The following GRIA3 variants were observed in gnomAD, a reference collection of about 807,000 sequenced individuals.
GRIA3 encodes the protein glutamate ionotropic receptor AMPA type subunit 3.
GRIA3 carries 3 observed loss-of-function variants against 63.0 expected under a neutral mutation model. The ratio of observed to expected loss-of-function variants is 0.05; its 90% CI spans 0.02 to 0.12. GRIA3 has a LOEUF of 0.12. Ranked by LOEUF, GRIA3 falls within the 10% of genes least tolerant of loss-of-function variation. The probability of loss-of-function intolerance (pLI) is 1.00; values close to 1 mark genes in which losing one functional copy is unlikely to be tolerated. For missense variants in GRIA3, 347 were observed against 700.9 expected, an observed-to-expected ratio of 0.50 and a Z score of 5.70; for synonymous variants, 274 against 257.9, an observed-to-expected ratio of 1.06 and a Z score of -0.60.
At chrX:123,280,930 G>A (rs150377828) in intron 3 of GRIA3, among the ~76,000 whole-genome samples, 2,244 of 111,249 alleles carry the variant, frequency 0.02, 60 homozygotes, top group African/African-American at 0.07. Flanking sequence ...TTATACTCTC[G>A]GGAGACTGAC....
intron 4 of GRIA3, among the ~76,000 whole-genome samples, chrX:123,331,634 TA>T (rs1299760486): frequency 1.8e-5 from 2 of 111,935 alleles, no homozygotes; most frequent in East Asian, 5.6e-4. Context: ...TTCCAGCCCT[TA>T]CTCTCAATGT....
intron 14 of GRIA3, among the ~76,000 whole-genome samples, chrX:123,481,772 A>G (rs1412934332): frequency 9.0e-6 from 1 of 111,604 alleles, no homozygotes; most frequent in Non-Finnish European, 1.9e-5. Context: ...CAAGACACCA[A>G]CTTTTTTCTT....
chrX:123,269,749 T>C (rs959558704), intron 3 of GRIA3, among the ~76,000 whole-genome samples: 17 of 111,845 alleles, frequency 1.5e-4, no homozygotes, highest in African/African-American at 9.7e-5. Flanking sequence ...CCTAACTACA[T>C]AGCCAGCCAT....
In GRIA3 at chrX:123,190,947, A is replaced by C; in HGVS notation, c.268+4957A>C. On this transcript the variant is annotated intron_variant, in intron 2 of 15. Coordinates refer to ENST00000620443, the MANE Select transcript of GRIA3 (RefSeq NM_007325.5). ...GATTGAAAAATAAATGAAGCTCCTG[A>C]GGCATCGTTATTTGTCTTCCTTTTT... 1.8e-5 allele frequency among the ~76,000 whole-genome samples: 2 copies of C among 112,282 alleles called. 1 individual carries two copies. Among genetic ancestry groups the C allele is most frequent in the Middle Eastern group, 9.2e-3 (2 of 218 alleles).
chrX:123,251,059 A>T (rs2044386667), intron 2 of GRIA3, among the ~76,000 whole-genome samples: 1 of 111,888 alleles, frequency 8.9e-6, no homozygotes, highest in South Asian at 3.7e-4. Flanking sequence ...TATCTATTAA[A>T]TAGGAATAAC....
Position 123,202,134 on chromosome X carries a change from A to G in GRIA3, c.268+16144A>G, listed in dbSNP as rs765998878. On this transcript the variant is annotated intron_variant, in intron 2 of 15. Transcript: ENST00000620443. Reference sequence around the variant, plus strand: ...GACTATTCATTTTATGCTGGCATGCATACAGCCCACGTCAGGCAAGGGCTG... The same window carrying G: ...GACTATTCATTTTATGCTGGCATGCGTACAGCCCACGTCAGGCAAGGGCTG... Among the ~76,000 whole-genome samples the G allele has an allele frequency of 3.6e-5, 4 of 112,586 alleles. No individual in the cohort carries two copies. The Admixed American group carries it at 3.7e-4, about 11-fold the overall frequency.
intron 3 of GRIA3, among the ~76,000 whole-genome samples, chrX:123,301,316 G>A (rs1458866266): frequency 1.8e-5 from 2 of 111,189 alleles, no homozygotes; most frequent in Non-Finnish European, 3.8e-5. Flanking sequence ...TCTCTTTGAA[G>A]GTCTCTAAGA....
At chrX:123,219,047 A>T (rs1928231208) in intron 2 of GRIA3, among the ~76,000 whole-genome samples, 1 of 111,892 alleles carries the variant, frequency 8.9e-6, no homozygotes, top group Admixed American at 9.4e-5. Flanking sequence ...GCTGCTTGAC[A>T]CACCTCCAGT....
chrX:123,343,067 C>A (rs1833335285), intron 4 of GRIA3, among the ~76,000 whole-genome samples: 1 of 111,677 alleles, frequency 9.0e-6, no homozygotes, highest in African/African-American at 3.3e-5. Flanking sequence ...AATTATCCAA[C>A]CTCTCTGTGC....
At chrX:123,418,502 G>GCA (rs2045547847) in intron 11 of GRIA3, among the ~76,000 whole-genome samples, 3 of 111,744 alleles carry the variant, frequency 2.7e-5, no homozygotes, top group African/African-American at 6.5e-5. Context: ...AGTAAATCAT[G>GCA]TGTCTGATAA....
intron 13 of GRIA3, among the ~76,000 whole-genome samples, chrX:123,472,762 G>T (rs1430494466): frequency 8.9e-6 from 1 of 112,526 alleles, no homozygotes; most frequent in South Asian, 3.6e-4. Flanking sequence ...ACCCATGTGT[G>T]TAAGAGTTGC....
At chrX:123,290,527 A>G (rs765693978) in intron 3 of GRIA3, among the ~76,000 whole-genome samples, 79 of 108,541 alleles carry the variant, frequency 7.3e-4, no homozygotes, top group Middle Eastern at 4.7e-3. Flanking sequence ...GCAATTCACT[A>G]ATGCTCAGTT....
intron 3 of GRIA3, among the ~76,000 whole-genome samples, chrX:123,260,611 C>T (rs368808388): frequency 2.8e-5 from 3 of 106,673 alleles, no homozygotes; most frequent in Non-Finnish European, 5.8e-5. Context: ...GATTAAAAGA[C>T]GTACGAAGGA....
chrX:123,307,853 AG>A (rs1248660992), intron 3 of GRIA3, among the ~76,000 whole-genome samples: 1 of 111,589 alleles, frequency 9.0e-6, no homozygotes, highest in Non-Finnish European at 1.9e-5. Context: ...ACAGGTTAAT[AG>A]ATGAGATTGT....
intron 12 of GRIA3, among the ~76,000 whole-genome samples, chrX:123,461,255 AG>A (rs1463140715): frequency 1.8e-5 from 2 of 112,123 alleles, no homozygotes; most frequent in African/African-American, 6.5e-5. Context: ...AAAATTAATA[AG>A]GTATGGACTT....
rs200852512 is a variant in GRIA3 at position 123,367,482 on chromosome X, G to C, written c.750+12519G>C. On this transcript the variant is annotated intron_variant, in intron 5 of 15. Coordinates refer to ENST00000620443, the MANE Select transcript of GRIA3 (RefSeq NM_007325.5). The stretch of plus-strand genomic sequence containing the variant: ...GACAGAGTTTTGCCCTGTCACCCAG[G>C]CTGGAGTGCAGTGGCGTGATCTCCA... Among the ~76,000 whole-genome samples the C allele has an allele frequency of 3.7e-5, 4 of 108,906 alleles. No homozygotes were observed. In the East Asian group the frequency reaches 1.1e-3, roughly 31 times the overall value. The allele number at this position is 108,906 out of a possible 115,157, so 94.6% of individuals were successfully genotyped here.
At chrX:123,241,246 G>A (rs1386014772) in intron 2 of GRIA3, among the ~76,000 whole-genome samples, 2 of 111,128 alleles carry the variant, frequency 1.8e-5, no homozygotes, top group Non-Finnish European at 3.8e-5. Context: ...AACAAATCAA[G>A]ATTAAAAATG....
At chrX:123,477,959 G>A (rs2045894523) in intron 13 of GRIA3, among the ~76,000 whole-genome samples, 1 of 111,700 alleles carries the variant, frequency 9.0e-6, no homozygotes, top group Non-Finnish European at 1.9e-5. Flanking sequence ...TAAGAAAAGA[G>A]GAAGCACAGA....
intron 12 of GRIA3, among the ~76,000 whole-genome samples, chrX:123,463,641 AAAGAAAG>A (rs2045811671): frequency 2.1e-5 from 1 of 48,530 alleles, no homozygotes; most frequent in Non-Finnish European, 3.5e-5. Context: ...AGAAAGAAAG[AAAGAAAG>A]AAAGAAAGAA....
Sources: gnomAD v4.1 joint callset for allele counts (sites outside exome capture counted in the v4.1 genomes callset) on GRCh38, gnomAD v4.1.1 for gene constraint, MANE v1.5 for transcripts, NCBI Gene and HGNC (gene_info 2026-07-23, HGNC 2026-07-21) for gene names.